The following GSG1L variants were observed in gnomAD, a reference collection of about 807,000 sequenced individuals.
The protein encoded by GSG1L is germ cell-specific gene 1-like protein.
A neutral mutation model predicts 42.1 loss-of-function variants in GSG1L; 24 were observed. The observed-to-expected ratio is 0.57, with a 90% CI of 0.41 to 0.80. The LOEUF is 0.80. Ranked by LOEUF, GSG1L falls within the 30% of genes least tolerant of loss-of-function variation. The pLI is 0.00. For missense variants in GSG1L, 445 were observed against 472.2 expected, an observed-to-expected ratio of 0.94 and a Z score of 0.53; for synonymous variants, 215 against 203.5, an observed-to-expected ratio of 1.06 and a Z score of -0.48.
intron 3 of GSG1L, among the ~76,000 whole-genome samples, chr16:27,850,023 CTTT>C (rs57543425): frequency 1.4e-5 from 1 of 70,072 alleles, no homozygotes; most frequent in Non-Finnish European, 2.4e-5. Context: ...TTTGAAATGC[CTTT>C]TTTTTTTTTT....
chr16:27,891,437 C>T (rs1644589), intron 2 of GSG1L, among the ~76,000 whole-genome samples: 82,364 of 150,662 alleles, frequency 0.55, 23,607 homozygotes, highest in Non-Finnish European at 0.64. Context: ...TCTAGCCATA[C>T]TGTGTAACTT....
chr16:27,967,275 G>A (rs370059163), intron 1 of GSG1L, among the ~76,000 whole-genome samples: 4 of 152,248 alleles, frequency 2.6e-5, no homozygotes, highest in Non-Finnish European at 5.9e-5. Context: ...AGGCAGAGAT[G>A]GAGGCAGCGG....
chr16:27,964,133 C>A (rs538488898), intron 1 of GSG1L, among the ~76,000 whole-genome samples: 1 of 152,034 alleles, frequency 6.6e-6, no homozygotes, highest in African/African-American at 2.4e-5. Flanking sequence ...AGATGGAGAC[C>A]ATCCTGGCAA....
intron 1 of GSG1L, among the ~76,000 whole-genome samples, chr16:28,050,952 A>C (rs1334435914): frequency 1.3e-5 from 2 of 152,172 alleles, no homozygotes. Flanking sequence ...TACATGCGCA[A>C]ATGAAGAAAC....
At chr16:27,873,160 T>G (rs1218720059) in intron 3 of GSG1L, among the ~76,000 whole-genome samples, 1 of 152,192 alleles carries the variant, frequency 6.6e-6, no homozygotes, top group African/African-American at 2.4e-5. Flanking sequence ...AAATGTGAGC[T>G]ATTGGTGCTA....
intron 1 of GSG1L, among the ~76,000 whole-genome samples, chr16:27,973,713 T>G (rs2085220316): frequency 6.6e-6 from 1 of 152,104 alleles, no homozygotes; most frequent in Non-Finnish European, 1.5e-5. Flanking sequence ...AATATGAACC[T>G]TTTGGTGCCT....
At chr16:27,993,988 T>G (rs1207041074) in intron 1 of GSG1L, among the ~76,000 whole-genome samples, 1 of 152,206 alleles carries the variant, frequency 6.6e-6, no homozygotes, top group Non-Finnish European at 1.5e-5. Context: ...TAAAAGGCTT[T>G]GCATTCAACC....
intron 5 of GSG1L, among the ~76,000 whole-genome samples, chr16:27,809,810 G>A (rs939171113): frequency 1.3e-5 from 2 of 151,970 alleles, no homozygotes; most frequent in African/African-American, 4.8e-5. Flanking sequence ...TCTTTCCACT[G>A]CTATCTCCTC....
chr16:27,994,539 C>A (rs147768792), intron 1 of GSG1L, among the ~76,000 whole-genome samples: 2 of 152,232 alleles, frequency 1.3e-5, no homozygotes, highest in African/African-American at 4.8e-5. Flanking sequence ...CATTATTTTT[C>A]TTTTATGCTC....
chr16:27,920,169 C>T (rs1423107248), intron 2 of GSG1L, among the ~76,000 whole-genome samples: 1 of 152,210 alleles, frequency 6.6e-6, no homozygotes, highest in African/African-American at 2.4e-5. Flanking sequence ...AACTCACATC[C>T]AGGCTCCTAA....
At chr16:27,804,057 A>AGATAGATAGAT (rs1326052662) in intron 6 of GSG1L, among the ~76,000 whole-genome samples, 1 of 151,780 alleles carries the variant, frequency 6.6e-6, no homozygotes, top group African/African-American at 2.4e-5. Flanking sequence ...ATAGATAGAT[A>AGATAGATAGAT]GATAGATAGA....
At chr16:27,961,831 G>C (rs774692964) in intron 2 of GSG1L, among the ~76,000 whole-genome samples, 1 of 152,200 alleles carries the variant, frequency 6.6e-6, no homozygotes, top group Non-Finnish European at 1.5e-5. Flanking sequence ...AGGCTGCTGG[G>C]GGGTAGGGAG....
intron 4 of GSG1L, among the ~76,000 whole-genome samples, chr16:27,839,698 A>C (rs2083357223): frequency 6.6e-6 from 1 of 152,218 alleles, no homozygotes; most frequent in African/African-American, 2.4e-5. Flanking sequence ...GCCTGGTGGC[A>C]ATGCTGGTTG....
At chr16:27,802,415 G>T (rs919783743) in intron 6 of GSG1L, among the ~76,000 whole-genome samples, 1 of 152,054 alleles carries the variant, frequency 6.6e-6, no homozygotes, top group Non-Finnish European at 1.5e-5. Context: ...GCTGTTTGAC[G>T]TGGGAGTTCC....
chr16:27,905,907 C>T (rs1297954085), intron 2 of GSG1L, among the ~76,000 whole-genome samples: 1 of 152,100 alleles, frequency 6.6e-6, no homozygotes, highest in Non-Finnish European at 1.5e-5. Context: ...AGGATCCTGG[C>T]TTTATCACTG....
intron 2 of GSG1L, among the ~76,000 whole-genome samples, chr16:27,911,406 T>G (rs2084390032): frequency 6.6e-6 from 1 of 152,212 alleles, no homozygotes; most frequent in East Asian, 1.9e-4. Context: ...TTCTCATGCC[T>G]CAGCCTCCCA....
chr16:27,877,042 C>T (rs2083896808), intron 3 of GSG1L, among the ~76,000 whole-genome samples: 1 of 152,168 alleles, frequency 6.6e-6, no homozygotes, highest in Non-Finnish European at 1.5e-5. Flanking sequence ...CTTAGTGGAT[C>T]AGCCTCAATT....
chr16:28,023,902 T>C (rs1213909993), intron 1 of GSG1L, among the ~76,000 whole-genome samples: 2 of 151,664 alleles, frequency 1.3e-5, no homozygotes, highest in Non-Finnish European at 2.9e-5. Context: ...TGGGGGTGCT[T>C]GCCTGTAGTC....
chr16:27,861,623 T>G (rs1426811265), intron 3 of GSG1L, among the ~76,000 whole-genome samples: 1 of 152,142 alleles, frequency 6.6e-6, no homozygotes, highest in Non-Finnish European at 1.5e-5. Context: ...ACTGATAGAT[T>G]GAGCCATGGC....
Sources: gnomAD v4.1 joint callset for allele counts (sites outside exome capture counted in the v4.1 genomes callset) on GRCh38, gnomAD v4.1.1 for gene constraint, MANE v1.5 for transcripts, NCBI Gene and HGNC (gene_info 2026-07-23, HGNC 2026-07-21) for gene names.